Variants in VIPR2 observed in about 807,000 individuals in gnomAD.
The protein encoded by VIPR2 is vasoactive intestinal peptide receptor 2, also known as vasoactive intestinal polypeptide receptor 2.
VIPR2 carries 48 observed loss-of-function variants against 58.0 expected under a neutral mutation model. The ratio of observed to expected loss-of-function variants is 0.83; its 90% CI spans 0.66 to 1.05. The LOEUF (loss-of-function observed/expected upper bound fraction) is 1.05. VIPR2 is among the 50% of genes least tolerant of loss of function. The pLI, the probability that VIPR2 is intolerant of heterozygous loss-of-function variation, is 0.00. For missense variants in VIPR2, 534 were observed against 558.0 expected, an observed-to-expected ratio of 0.96 and a Z score of 0.43; for synonymous variants, 243 against 235.2, an observed-to-expected ratio of 1.03 and a Z score of -0.30.
intron 4 of VIPR2, 61 bp downstream of exon 4, chr7:159,103,696 G>T: frequency 7.9e-7 from 1 of 1,261,480 alleles, no homozygotes; most frequent in Non-Finnish European, 1.2e-6. Context: ...GGCAGGAGGG[G>T]GCTTCTGGTG....
intron 2 of VIPR2, among the ~76,000 whole-genome samples, chr7:159,138,856 T>C (rs1222788471): frequency 3.3e-5 from 5 of 152,268 alleles, no homozygotes; most frequent in Admixed American, 2.6e-4. Context: ...TATATATGTA[T>C]ATCACTTAAT....
At chr7:159,144,537 A>G in intron 1 of VIPR2, 184 bp downstream of exon 1, 1 of 1,506,684 alleles carries the variant, frequency 6.6e-7, no homozygotes, top group Non-Finnish European at 8.9e-7. Flanking sequence ...GCGGGACCGG[A>G]GCTCAGCGCT....
chr7:159,057,622 G>A (rs1188814387), intron 5 of VIPR2, among the ~76,000 whole-genome samples: 2 of 152,154 alleles, frequency 1.3e-5, no homozygotes, highest in African/African-American at 2.4e-5. Flanking sequence ...TTAGCAAAGA[G>A]AAATAAAATA....
chr7:159,117,406 C>G, intron 2 of VIPR2: 1 of 717,466 alleles, frequency 1.4e-6, no homozygotes. Context: ...CTTTGTATGG[C>G]CTGTGAACAG....
chr7:159,081,431 C>T (rs1446181628), intron 4 of VIPR2, among the ~76,000 whole-genome samples: 1 of 152,198 alleles, frequency 6.6e-6, no homozygotes, highest in East Asian at 1.9e-4. Flanking sequence ...AAAGCTGAAA[C>T]TGGATCCCTT....
At chr7:159,048,288 G>A (rs1244911851) in intron 5 of VIPR2, among the ~76,000 whole-genome samples, 1 of 152,178 alleles carries the variant, frequency 6.6e-6, no homozygotes, top group Non-Finnish European at 1.5e-5. Context: ...AAACAAAGGT[G>A]CTTTTGCTTC....
At chr7:159,140,216 C>G (rs1464525884) in intron 2 of VIPR2, among the ~76,000 whole-genome samples, 1 of 151,644 alleles carries the variant, frequency 6.6e-6, no homozygotes, top group Non-Finnish European at 1.5e-5. Flanking sequence ...ATTTCTTAAT[C>G]GTATGGATTT....
chr7:159,079,365 T>TG, intron 4 of VIPR2, among the ~76,000 whole-genome samples: 1 of 151,710 alleles, frequency 6.6e-6, no homozygotes, highest in Admixed American at 6.6e-5. Flanking sequence ...TGCTCCTGAA[T>TG]GACTACTGGG....
At chr7:159,076,134 A>G (rs1386568098) in intron 4 of VIPR2, among the ~76,000 whole-genome samples, 1 of 152,180 alleles carries the variant, frequency 6.6e-6, no homozygotes, top group East Asian at 1.9e-4. Context: ...CCTGGTCCAA[A>G]ATCCTCCGTG....
At chr7:159,087,281 T>C (rs1007985410) in intron 4 of VIPR2, among the ~76,000 whole-genome samples, 1 of 130,820 alleles carries the variant, frequency 7.6e-6, no homozygotes, top group Admixed American at 7.8e-5. Flanking sequence ...AGGATTCTGA[T>C]AGTGAGATAC....
intron 2 of VIPR2, among the ~76,000 whole-genome samples, chr7:159,130,669 G>A (rs1353034613): frequency 6.6e-6 from 1 of 152,214 alleles, no homozygotes; most frequent in Non-Finnish European, 1.5e-5. Flanking sequence ...TTGATGAGGT[G>A]ATTTGAGTAA....
At chr7:159,050,166 G>A (rs779034353) in intron 5 of VIPR2, among the ~76,000 whole-genome samples, 7 of 151,898 alleles carry the variant, frequency 4.6e-5, no homozygotes, top group East Asian at 3.9e-4. Context: ...GTGAAACCCC[G>A]TCTCCACTAA....
At position 159,144,282 on chromosome 7, in the gene VIPR2, C is replaced by T. The variant is rs1029127301; in HGVS notation, c.51+439G>A. 6 of 1,363,110 alleles carry T rather than the reference C, an allele frequency of 4.4e-6. No homozygotes were observed. In the Admixed American group the frequency reaches 2.1e-4, roughly 47 times the overall value. 84.4% of individuals were successfully genotyped at this position (1,363,110 alleles called of 1,614,324 possible). On this transcript the variant is annotated intron_variant, in intron 1 of 12. Transcript: ENST00000262178. ...TTATTTAACCGACGCCACGTCCCCC[C>T]GACACTAAAACTAACCAGTAAGTAC... is the stretch of plus-strand genomic sequence containing the variant.
At chr7:159,144,472 C>T (rs1216866740) in intron 1 of VIPR2, 1 of 1,539,556 alleles carries the variant, frequency 6.5e-7, no homozygotes, top group Admixed American at 2.0e-5. Flanking sequence ...AAACCCCGGA[C>T]GGTGGGGCGC....
At chr7:159,085,106 C>T (rs1857103401) in intron 4 of VIPR2, among the ~76,000 whole-genome samples, 1 of 152,168 alleles carries the variant, frequency 6.6e-6, no homozygotes, top group Admixed American at 6.5e-5. Context: ...TATCCTGTGG[C>T]AAATATCCTG....
In VIPR2 at chr7:159,029,784, G is replaced by T; in HGVS notation, c.*832C>A. On this transcript the variant is annotated 3_prime_UTR_variant, in exon 13 of 13. Coordinates refer to ENST00000262178, the MANE Select transcript of VIPR2 (RefSeq NM_003382.5). The stretch of plus-strand genomic sequence containing the variant: ...GTCTCCTCAGCCCGCCTTCCGTGGG[G>T]AGGCAAAACAGCCCTGTGGAGTTGG... The T allele has an allele frequency of 6.6e-6, 1 of 152,536 alleles. No individual in the cohort carries two copies. Among genetic ancestry groups the T allele is most frequent in the Non-Finnish European group, 1.5e-5 (1 of 68,214 alleles). 9.4% of individuals were successfully genotyped at this position (152,536 alleles called of 1,614,324 possible).
intron 5 of VIPR2, 35 bp downstream of exon 5, chr7:159,058,446 T>A (rs1434533076): frequency 6.3e-6 from 10 of 1,582,992 alleles, no homozygotes; most frequent in Non-Finnish European, 8.7e-6. Flanking sequence ...GCTTGTCTTG[T>A]ATTCTTTGCA....
intron 5 of VIPR2, among the ~76,000 whole-genome samples, chr7:159,056,839 C>T (rs1436823698): frequency 6.6e-6 from 1 of 152,208 alleles, no homozygotes; most frequent in Non-Finnish European, 1.5e-5. Flanking sequence ...CTGGACCCTG[C>T]TTCTGACAGA....
chr7:159,028,384 C>A lies in VIPR2; in HGVS notation c.*2232G>T, dbSNP rs913852842. 6.6e-6 allele frequency: 1 copy of A among 152,476 alleles called. No homozygotes were observed. Among genetic ancestry groups the A allele is most frequent in the African/African-American group, 2.4e-5 (1 of 41,470 alleles). 9.4% of individuals were successfully genotyped at this position (152,476 alleles called of 1,614,324 possible). A position where few individuals can be genotyped will look rare whatever the true frequency, so the allele number is the denominator to read the frequency against. On this transcript the variant is annotated 3_prime_UTR_variant, in exon 13 of 13. Transcript: ENST00000262178. ...GCTCCGCTGAACAGTGGCACATGTG[C>A]GGTTGAGGGGAGATTGTCCCCTGAG...
Sources: gnomAD v4.1 joint callset for allele counts (sites outside exome capture counted in the v4.1 genomes callset) on GRCh38, gnomAD v4.1.1 for gene constraint, MANE v1.5 for transcripts, NCBI Gene and HGNC (gene_info 2026-07-23, HGNC 2026-07-21) for gene names.